The following FAM174B variants were observed in gnomAD, a reference collection of about 807,000 sequenced individuals.
FAM174B encodes the protein family with sequence similarity 174 member B, also known as membrane protein FAM174B.
In FAM174B, 12 loss-of-function variants were observed where a neutral mutation model predicts 10.9. The ratio of observed to expected loss-of-function variants is 1.10; its 90% CI spans 0.71 to 1.79. The LOEUF (loss-of-function observed/expected upper bound fraction) is 1.79. Among genes scored for constraint, FAM174B ranks in the 40% most tolerant of loss-of-function variants. FAM174B has a pLI of 0.00. For missense variants in FAM174B, 266 were observed against 233.3 expected (o/e 1.14, Z -0.91); for synonymous variants, 132 against 115.8 (o/e 1.14, Z -0.90).
chr15:92,648,715 G>A (rs1440358150), intron 1 of FAM174B, among the ~76,000 whole-genome samples: 2 of 152,064 alleles, frequency 1.3e-5, no homozygotes, highest in Admixed American at 6.5e-5. Flanking sequence ...GGTCTAGAAG[G>A]GCTCTGCCAG....
chr15:92,650,862 C>T (rs1402527525), intron 1 of FAM174B, among the ~76,000 whole-genome samples: 1 of 152,196 alleles, frequency 6.6e-6, no homozygotes, highest in Non-Finnish European at 1.5e-5. Context: ...TTCACCACAC[C>T]AGGTACCTGT....
At position 92,647,102 on chromosome 15, in the gene FAM174B, CAT is replaced by C. The variant is rs1010143128; in HGVS notation, c.344+8212_344+8213del. Among the ~76,000 whole-genome samples the C allele has an allele frequency of 3.3e-5, 5 of 152,196 alleles. No homozygotes were observed. In the South Asian group the frequency reaches 6.2e-4, roughly 19 times the overall value. On this transcript the variant is annotated intron_variant, in intron 1 of 2. Transcript: ENST00000327355. The stretch of plus-strand genomic sequence containing the variant: ...GCACCACTCATAGGAGTGAGGAAAA[CAT>C]ATAAAATGCTTATCACAGAGTCCGT...
Position 92,647,458 on chromosome 15 carries a change from C to A in FAM174B, c.344+7858G>T, listed in dbSNP as rs113931471. On this transcript the variant is annotated intron_variant, in intron 1 of 2. Transcript: ENST00000327355. The stretch of plus-strand genomic sequence containing the variant: ...AAAAATAAAATTCTAAGCCCCCCAG[C>A]CAGTTGAAGAGACCTGGCCAAGAGG... 2.9e-3 allele frequency among the ~76,000 whole-genome samples: 442 copies of A among 152,270 alleles called. 1 individual carries two copies. The highest frequency in any genetic ancestry group is 9.9e-3 in the African/African-American group (411 of 41,542).
At chr15:92,631,413 A>T (rs1383895888) in intron 1 of FAM174B, among the ~76,000 whole-genome samples, 7 of 41,430 alleles carry the variant, frequency 1.7e-4, no homozygotes, top group Admixed American at 4.0e-4. Flanking sequence ...TATTATATAT[A>T]ATATATAATA....
intron 1 of FAM174B, among the ~76,000 whole-genome samples, chr15:92,645,775 AC>A (rs2050922832): frequency 6.6e-6 from 1 of 152,120 alleles, no homozygotes; most frequent in Non-Finnish European, 1.5e-5. Flanking sequence ...CTCTGAGGTC[AC>A]AGTGCTTTGG....
chr15:92,646,825 G>T (rs926377650), intron 1 of FAM174B, among the ~76,000 whole-genome samples: 2 of 152,178 alleles, frequency 1.3e-5, no homozygotes, highest in African/African-American at 2.4e-5. Context: ...TCTACCTATG[G>T]CCTGGAAGTT....
chr15:92,632,924 C>A (rs893100730), intron 1 of FAM174B, among the ~76,000 whole-genome samples: 1 of 151,842 alleles, frequency 6.6e-6, no homozygotes, highest in East Asian at 1.9e-4. Flanking sequence ...ACTCTCTGCA[C>A]GAAGGCTGCG....
chr15:92,638,433 C>T (rs1436961494), intron 1 of FAM174B, among the ~76,000 whole-genome samples: 3 of 152,242 alleles, frequency 2.0e-5, no homozygotes, highest in East Asian at 3.9e-4. Flanking sequence ...ACAAGGAGGC[C>T]GAGGGAGGAC....
At chr15:92,642,485 T>A (rs1172162222) in intron 1 of FAM174B, among the ~76,000 whole-genome samples, 1 of 152,222 alleles carries the variant, frequency 6.6e-6, no homozygotes, top group Non-Finnish European at 1.5e-5. Context: ...TCCCCATGTG[T>A]TGTGAGAGGG....
intron 1 of FAM174B, among the ~76,000 whole-genome samples, chr15:92,644,603 T>C (rs926030521): frequency 3.9e-5 from 6 of 151,980 alleles, no homozygotes; most frequent in Non-Finnish European, 8.8e-5. Flanking sequence ...GCCCCTCAGT[T>C]CCAGCACCCA....
intron 1 of FAM174B, among the ~76,000 whole-genome samples, chr15:92,634,847 G>C (rs2050842822): frequency 1.3e-5 from 2 of 152,054 alleles, no homozygotes; most frequent in Non-Finnish European, 2.9e-5. Context: ...GGCTTGAATA[G>C]AACAAAAAAA....
chr15:92,644,359 C>G (rs549208291), intron 1 of FAM174B, among the ~76,000 whole-genome samples: 2 of 152,146 alleles, frequency 1.3e-5, no homozygotes, highest in African/African-American at 4.8e-5. Context: ...AGGCAAACAC[C>G]GGTGTGATAG....
chr15:92,646,745 C>T (rs1357798097), intron 1 of FAM174B, among the ~76,000 whole-genome samples: 1 of 152,214 alleles, frequency 6.6e-6, no homozygotes, highest in Non-Finnish European at 1.5e-5. Context: ...CTTATCTTAA[C>T]CCAGACATTT....
intron 1 of FAM174B, among the ~76,000 whole-genome samples, chr15:92,636,847 C>T (rs1162006749): frequency 6.6e-6 from 1 of 152,240 alleles, no homozygotes; most frequent in Non-Finnish European, 1.5e-5. Context: ...AGCCACTTGA[C>T]TTTAGCGCCA....
rs528775628 is a variant in FAM174B at position 92,617,816 on chromosome 15, G to A, written c.*1640C>T. 1 of 509,482 alleles carries A rather than the reference G, an allele frequency of 2.0e-6. No individual in the cohort carries two copies. The highest frequency in any genetic ancestry group is 3.4e-5 in the East Asian group (1 of 29,214). The allele number at this position is 509,482 out of a possible 1,614,324, so 31.6% of individuals were successfully genotyped here. A position where few individuals can be genotyped will look rare whatever the true frequency, so the allele number is the denominator to read the frequency against. ...TGGCAAACAGATGGGGGAAAACAGA[G>A]AAGGAAAGTCAACAAAGAAGGTGAA... On this transcript the variant is annotated 3_prime_UTR_variant, in exon 3 of 3. Coordinates refer to ENST00000327355, the MANE Select transcript of FAM174B (RefSeq NM_207446.3).
intron 1 of FAM174B, among the ~76,000 whole-genome samples, chr15:92,635,645 A>G (rs1170398299): frequency 6.6e-6 from 1 of 151,132 alleles, no homozygotes; most frequent in Non-Finnish European, 1.5e-5. Flanking sequence ...CAGTGGCACA[A>G]TCTTGGCTAA....
At chr15:92,649,152 A>T (rs2050948132) in intron 1 of FAM174B, among the ~76,000 whole-genome samples, 1 of 152,244 alleles carries the variant, frequency 6.6e-6, no homozygotes, top group Admixed American at 6.5e-5. Flanking sequence ...AGACACCCAT[A>T]CACAAAGCCT....
chr15:92,633,847 T>C (rs2141956499), intron 1 of FAM174B, among the ~76,000 whole-genome samples: 1 of 152,302 alleles, frequency 6.6e-6, no homozygotes, highest in African/African-American at 2.4e-5. Flanking sequence ...CATTCTGCCC[T>C]AGATGACTTA....
rs1348944512 is a variant in FAM174B, at chr15:92,617,852, CAG to C, written c.*1602_*1603del. 20 of 478,600 alleles carry C rather than the reference CAG, an allele frequency of 4.2e-5. No individual in the cohort carries two copies. Among genetic ancestry groups the C allele is most frequent in the Non-Finnish European group, 6.2e-5 (17 of 273,472 alleles). The allele number at this position is 478,600 out of a possible 1,614,324, so 29.6% of individuals were successfully genotyped here. A position where few individuals can be genotyped will look rare whatever the true frequency, so the allele number is the denominator to read the frequency against. The stretch of plus-strand genomic sequence containing the variant: ...AACAAAGAAGGTGAAATGCAGGGAG[CAG>C]AGACTACACGCAGGCCCCCCGTGGC... On this transcript the variant is annotated 3_prime_UTR_variant, in exon 3 of 3. Transcript: ENST00000327355.
Sources: gnomAD v4.1 joint callset for allele counts (sites outside exome capture counted in the v4.1 genomes callset) on GRCh38, gnomAD v4.1.1 for gene constraint, MANE v1.5 for transcripts, NCBI Gene and HGNC (gene_info 2026-07-23, HGNC 2026-07-21) for gene names.